The following PDE3A variants were observed in gnomAD, a reference collection of about 807,000 sequenced individuals.
The protein encoded by PDE3A is phosphodiesterase 3A.
A neutral mutation model predicts 98.3 loss-of-function variants in PDE3A; 43 were observed. The observed-to-expected ratio is 0.44, with a 90% CI of 0.34 to 0.56. The LOEUF is 0.56. Among genes scored for constraint, PDE3A ranks in the 20% least tolerant of loss-of-function variants. The pLI, the probability that PDE3A is intolerant of heterozygous loss-of-function variation, is 0.01. For missense variants in PDE3A, 1,427 were observed against 1,440.7 expected (o/e 0.99, Z 0.15); for synonymous variants, 663 against 567.9 (o/e 1.17, Z -2.38).
At chr12:20,493,048 T>C (rs895430709) in intron 1 of PDE3A, among the ~76,000 whole-genome samples, 1 of 152,170 alleles carries the variant, frequency 6.6e-6, no homozygotes, top group African/African-American at 2.4e-5. Context: ...ATAGGGTTAT[T>C]ATGAGAGTTA....
intron 10 of PDE3A, among the ~76,000 whole-genome samples, chr12:20,641,077 T>C (rs1944637265): frequency 6.6e-6 from 1 of 152,128 alleles, no homozygotes; most frequent in African/African-American, 2.4e-5. Context: ...CACATCAACT[T>C]AGGGATTTAT....
At chr12:20,479,776 A>T (rs1268231654) in intron 1 of PDE3A, among the ~76,000 whole-genome samples, 3 of 152,278 alleles carry the variant, frequency 2.0e-5, no homozygotes, top group African/African-American at 7.2e-5. Context: ...ATCATCACTC[A>T]TTGCTCGAAA....
At chr12:20,451,124 A>C (rs1945056717) in intron 1 of PDE3A, among the ~76,000 whole-genome samples, 1 of 152,190 alleles carries the variant, frequency 6.6e-6, no homozygotes, top group Non-Finnish European at 1.5e-5. Flanking sequence ...ATATGCCTTG[A>C]TCACTTGCAA....
intron 5 of PDE3A, among the ~76,000 whole-genome samples, chr12:20,623,114 T>A (rs953626796): frequency 6.6e-6 from 1 of 152,114 alleles, no homozygotes; most frequent in African/African-American, 2.4e-5. Context: ...TTAAATAGCA[T>A]AGTAGACTAC....
chr12:20,610,534 T>A (rs1201178446), intron 2 of PDE3A, among the ~76,000 whole-genome samples: 1 of 151,830 alleles, frequency 6.6e-6, no homozygotes, highest in Non-Finnish European at 1.5e-5. Context: ...CCAAATAAGA[T>A]AAAATCACCA....
intron 10 of PDE3A, among the ~76,000 whole-genome samples, chr12:20,641,375 C>G (rs926685051): frequency 5.0e-4 from 76 of 152,152 alleles, no homozygotes; most frequent in African/African-American, 1.8e-3. Context: ...ATAAGCCTTG[C>G]TTTCTTAATA....
chr12:20,629,836 G>A (rs1944342582), intron 5 of PDE3A, 72 bp from the exon 6 acceptor site: 2 of 1,160,212 alleles, frequency 1.7e-6, no homozygotes, highest in Non-Finnish European at 1.3e-6. Flanking sequence ...AAGAGTCCAG[G>A]TGAAGTTCAA....
intron 10 of PDE3A, among the ~76,000 whole-genome samples, chr12:20,645,497 T>C (rs61921463): frequency 0.23 from 34,580 of 152,010 alleles, 4,010 homozygotes; most frequent in Middle Eastern, 0.27. Context: ...TCTCTTATAC[T>C]AGAGAAGGAA....
At chr12:20,449,982 C>T in intron 1 of PDE3A, 1 of 722,606 alleles carries the variant, frequency 1.4e-6, no homozygotes, top group Non-Finnish European at 2.5e-6. Flanking sequence ...GAACAATAAG[C>T]CCTTGCCAAG....
chr12:20,456,393 A>G (rs1253786158), intron 1 of PDE3A, among the ~76,000 whole-genome samples: 1 of 152,156 alleles, frequency 6.6e-6, no homozygotes, highest in Non-Finnish European at 1.5e-5. Flanking sequence ...ATTTAATAAA[A>G]CAAGTATTAG....
chr12:20,405,013 A>G (rs1042271761), intron 1 of PDE3A, among the ~76,000 whole-genome samples: 2 of 151,902 alleles, frequency 1.3e-5, no homozygotes, highest in Non-Finnish European at 2.9e-5. Flanking sequence ...AGACTGCTTT[A>G]TTGAGAGAGA....
At chr12:20,525,585 G>A (rs959380750) in intron 1 of PDE3A, among the ~76,000 whole-genome samples, 9 of 152,110 alleles carry the variant, frequency 5.9e-5, no homozygotes, top group African/African-American at 1.9e-4. Context: ...ACCCTTTAGT[G>A]TCAGTCACTA....
At chr12:20,545,777 C>CAAAAA (rs5796868) in intron 1 of PDE3A, among the ~76,000 whole-genome samples, 65 of 141,120 alleles carry the variant, frequency 4.6e-4, no homozygotes, top group Non-Finnish European at 6.4e-4. Flanking sequence ...TAGTGGCTGC[C>CAAAAA]AAAAAAAAAA....
At chr12:20,431,817 C>T (rs1176623251) in intron 1 of PDE3A, among the ~76,000 whole-genome samples, 1 of 152,000 alleles carries the variant, frequency 6.6e-6, no homozygotes. Context: ...GTGTATAAAC[C>T]TTTTGAAAGA....
chr12:20,509,390 TTC>T (rs1481114436), intron 1 of PDE3A, among the ~76,000 whole-genome samples: 1 of 152,070 alleles, frequency 6.6e-6, no homozygotes, highest in African/African-American at 2.4e-5. Flanking sequence ...AATGTTCACT[TTC>T]TGTCTTCTGG....
chr12:20,659,429 T>C (rs59819190), intron 15 of PDE3A, among the ~76,000 whole-genome samples: 3,278 of 152,248 alleles, frequency 0.022, 106 homozygotes, highest in African/African-American at 0.073. Flanking sequence ...CCCATAGAAA[T>C]TGGCTTTTTT....
Position 20,680,873 on chromosome 12 carries a change from A to ATGTGT in PDE3A, c.*602_*603insTGTGT. The ATGTGT allele has an allele frequency of 7.0e-6, 1 of 142,876 alleles. No homozygotes were observed. The allele number at this position is 142,876 out of a possible 1,614,324, so 8.9% of individuals were successfully genotyped here. ...GTGTGTGTGTGTGTGTGTGTGTGAA[A>ATGTGT]GAGAGACAGAAGGGAATGGTTTGAG... On this transcript the variant is annotated 3_prime_UTR_variant, in exon 16 of 16. Coordinates refer to ENST00000359062, the MANE Select transcript of PDE3A (RefSeq NM_000921.5).
chr12:20,635,802 G>T (rs536963880), intron 8 of PDE3A, among the ~76,000 whole-genome samples: 26 of 147,990 alleles, frequency 1.8e-4, no homozygotes, highest in African/African-American at 6.2e-4. Context: ...GAGATTTACA[G>T]ATGTATTTCA....
intron 2 of PDE3A, among the ~76,000 whole-genome samples, chr12:20,590,656 G>A (rs1943316172): frequency 6.6e-6 from 1 of 151,662 alleles, no homozygotes; most frequent in Non-Finnish European, 1.5e-5. Context: ...AAAGGAAAAG[G>A]AAAGAAAGAA....
Sources: gnomAD v4.1 joint callset for allele counts (sites outside exome capture counted in the v4.1 genomes callset) on GRCh38, gnomAD v4.1.1 for gene constraint, MANE v1.5 for transcripts, NCBI Gene and HGNC (gene_info 2026-07-23, HGNC 2026-07-21) for gene names.